Variants in EDNRA observed in about 807,000 individuals in gnomAD.
EDNRA encodes endothelin receptor type A.
Under a neutral mutation model 41.4 loss-of-function variants are expected in EDNRA, and 11 were observed. The observed-to-expected ratio is 0.27, with a 90% CI of 0.17 to 0.44. The LOEUF is 0.44. EDNRA is among the 20% of genes least tolerant of loss of function. EDNRA has a pLI of 1.00. For synonymous variants in EDNRA, 172 were observed against 183.0 expected, an observed-to-expected ratio of 0.94 and a Z score of 0.49; for missense variants, 294 against 531.0, an observed-to-expected ratio of 0.55 and a Z score of 4.39.
At chr4:147,501,204 T>C (rs914572154) in intron 2 of EDNRA, among the ~76,000 whole-genome samples, 2 of 152,136 alleles carry the variant, frequency 1.3e-5, no homozygotes, top group African/African-American at 4.8e-5. Flanking sequence ...AATGAATGAG[T>C]GGAGAAAAGT....
chr4:147,487,455 T>C (rs757167459), intron 2 of EDNRA, among the ~76,000 whole-genome samples: 6 of 152,208 alleles, frequency 3.9e-5, no homozygotes, highest in Non-Finnish European at 7.4e-5. Context: ...GAAGAGTATT[T>C]TCCTCAGCCT....
intron 2 of EDNRA, among the ~76,000 whole-genome samples, chr4:147,518,423 G>A (rs1371119298): frequency 6.6e-6 from 1 of 152,134 alleles, no homozygotes; most frequent in South Asian, 2.1e-4. Flanking sequence ...GTGAGATGAA[G>A]AAGAAACCAG....
chr4:147,497,809 T>A (rs992767684), intron 2 of EDNRA, among the ~76,000 whole-genome samples: 2 of 152,136 alleles, frequency 1.3e-5, no homozygotes, highest in Non-Finnish European at 2.9e-5. Flanking sequence ...CCTGACCTCG[T>A]GATCCGCCCA....
At position 147,540,373 on chromosome 4, in the gene EDNRA, C is replaced by G; in HGVS notation, c.1035-4C>G. 1.3e-6 allele frequency: 2 copies of G among 1,597,170 alleles called. No individual in the cohort carries two copies. Among genetic ancestry groups the G allele is most frequent in the Non-Finnish European group, 1.7e-6 (2 of 1,168,080 alleles). On this transcript the variant is annotated splice_polypyrimidine_tract_variant and splice_region_variant and intron_variant, in intron 6 of 7. Transcript: ENST00000651419. Reference sequence around the variant, plus strand: ...TTATTCTACACCATTTTCTTTTGCTCTAGTTTCTTACTGCTCATGGATTAC... The same window carrying G: ...TTATTCTACACCATTTTCTTTTGCTGTAGTTTCTTACTGCTCATGGATTAC...
chr4:147,536,056 T>C, intron 5 of EDNRA, 27 bp downstream of exon 5: 1 of 1,613,334 alleles, frequency 6.2e-7, no homozygotes, highest in Non-Finnish European at 8.5e-7. Context: ...CATGAAAATC[T>C]GGCCAGGACT....
intron 2 of EDNRA, among the ~76,000 whole-genome samples, chr4:147,497,807 C>T (rs1405272650): frequency 6.6e-6 from 1 of 152,074 alleles, no homozygotes; most frequent in Non-Finnish European, 1.5e-5. Flanking sequence ...CTCCTGACCT[C>T]GTGATCCGCC....
chr4:147,526,127 G>T (rs1026398158), intron 3 of EDNRA, among the ~76,000 whole-genome samples: 1 of 152,194 alleles, frequency 6.6e-6, no homozygotes, highest in Admixed American at 6.5e-5. Flanking sequence ...TAGGGCAATA[G>T]GATCTTATTT....
chr4:147,507,391 G>C (rs1397092427), intron 2 of EDNRA, among the ~76,000 whole-genome samples: 4 of 152,180 alleles, frequency 2.6e-5, no homozygotes, highest in Non-Finnish European at 5.9e-5. Context: ...ACAACCATCT[G>C]GGTGAATCTC....
At chr4:147,506,086 G>C in intron 2 of EDNRA, 1 of 516,350 alleles carries the variant, frequency 1.9e-6, no homozygotes, top group South Asian at 1.4e-5. Context: ...CCAGTATCCT[G>C]GCAGGTTCCT....
At chr4:147,502,257 A>G (rs1053590952) in intron 2 of EDNRA, among the ~76,000 whole-genome samples, 2 of 152,236 alleles carry the variant, frequency 1.3e-5, no homozygotes, top group Non-Finnish European at 2.9e-5. Context: ...AAAGTATCAT[A>G]GAAAATTAGA....
chr4:147,540,033 C>T, intron 6 of EDNRA, 83 bp downstream of exon 6: 1 of 1,505,084 alleles, frequency 6.6e-7, no homozygotes, highest in Non-Finnish European at 8.9e-7. Flanking sequence ...AGCTACTCTA[C>T]ATGCCCGTTA....
chr4:147,509,805 G>A (rs1729857231), intron 2 of EDNRA, among the ~76,000 whole-genome samples: 1 of 152,066 alleles, frequency 6.6e-6, no homozygotes, highest in East Asian at 1.9e-4. Context: ...AAAACAAGCT[G>A]AGGGCTCCCA....
chr4:147,492,778 A>G (rs571222901), intron 2 of EDNRA: 1 of 152,252 alleles, frequency 6.6e-6, no homozygotes, highest in East Asian at 1.9e-4. Context: ...ATATGTACAT[A>G]TAAAATGACA....
chr4:147,521,676 AT>A (rs1394931732), intron 3 of EDNRA, among the ~76,000 whole-genome samples: 1 of 152,170 alleles, frequency 6.6e-6, no homozygotes, highest in African/African-American at 2.4e-5. Flanking sequence ...TACAAGTAAA[AT>A]TTTTCCTGTA....
At chr4:147,528,582 C>G (rs7681275) in intron 3 of EDNRA, among the ~76,000 whole-genome samples, 2,993 of 152,160 alleles carry the variant, frequency 0.02, 95 homozygotes, top group African/African-American at 0.069. Context: ...CGATCGCCCC[C>G]CTCAGCCTTC....
At chr4:147,532,170 C>CA (rs1730768947) in intron 3 of EDNRA, among the ~76,000 whole-genome samples, 4 of 114,088 alleles carry the variant, frequency 3.5e-5, no homozygotes, top group Admixed American at 8.7e-5. Flanking sequence ...AAAAAAAATA[C>CA]AAAAAATTAG....
intron 5 of EDNRA, among the ~76,000 whole-genome samples, chr4:147,538,436 G>A (rs1043478126): frequency 6.6e-6 from 1 of 152,160 alleles, no homozygotes; most frequent in African/African-American, 2.4e-5. Flanking sequence ...CCAGAGTGAT[G>A]GTAAGGAAGA....
At chr4:147,505,327 A>ATTTTTTTTTTTTTTTTTTTTTTTTTT (rs869077171) in intron 2 of EDNRA, among the ~76,000 whole-genome samples, 4 of 79,696 alleles carry the variant, frequency 5.0e-5, no homozygotes, top group African/African-American at 2.1e-4. Context: ...TTCTTTTTTC[A>ATTTTTTTTTTTTTTTTTTTTTTTTTT]TTTTTTTTTT....
chr4:147,532,325 C>CAAAAAAAAAAAAAAAA (rs59851236), intron 3 of EDNRA, among the ~76,000 whole-genome samples, 181 bp from the exon 4 acceptor site: 22 of 60,390 alleles, frequency 3.6e-4, no homozygotes, highest in African/African-American at 1.3e-3. Context: ...GATTTTGCCT[C>CAAAAAAAAAAAAAAAA]AAAAAAAAAA....
Sources: allele counts gnomAD v4.1 joint callset (sites outside exome capture counted in the v4.1 genomes callset), GRCh38; gene constraint gnomAD v4.1.1; transcripts MANE v1.5; gene names NCBI Gene and HGNC (gene_info 2026-07-23, HGNC 2026-07-21).